The following MOCS1 variants were observed in gnomAD, a reference collection of about 807,000 sequenced individuals.
The protein encoded by MOCS1 is molybdenum cofactor biosynthesis protein 1.
Under a neutral mutation model 57.6 loss-of-function variants are expected in MOCS1, and 39 were observed. The ratio of observed to expected loss-of-function variants is 0.68; its 90% confidence interval spans 0.52 to 0.88. The LOEUF is 0.88. Among genes scored for constraint, MOCS1 ranks in the 40% least tolerant of loss-of-function variants. The pLI is 0.00. For missense variants in MOCS1, 795 were observed against 831.1 expected (o/e 0.96, Z 0.53); for synonymous variants, 334 against 335.7 (o/e 1.00, Z 0.05).
Position 39,914,049 on chromosome 6 carries a change from T to C in MOCS1, c.584-214A>G, listed in dbSNP as rs544433532. ...AGTGTTGGCTAAATTCAAAATGTAA[T>C]AGTAATAACTGACTACAGTGTCTTG... On this transcript the variant is annotated intron_variant, in intron 4 of 10. Coordinates refer to ENST00000340692, the MANE Select transcript of MOCS1 (RefSeq NM_001358530.2). Among the ~76,000 whole-genome samples the C allele has an allele frequency of 4.6e-5, 7 of 152,362 alleles. 1 individual carries two copies. Among genetic ancestry groups the C allele is most frequent in the South Asian group, 2.1e-4 (1 of 4,830 alleles).
At chr6:39,919,955 A>C (rs939031150) in intron 3 of MOCS1, among the ~76,000 whole-genome samples, 1 of 152,186 alleles carries the variant, frequency 6.6e-6, no homozygotes, top group Non-Finnish European at 1.5e-5. Context: ...AAAGAAAAAA[A>C]CGCTGATAAA....
At chr6:39,919,300 C>T (rs546124943) in intron 3 of MOCS1, among the ~76,000 whole-genome samples, 18 of 152,194 alleles carry the variant, frequency 1.2e-4, no homozygotes, top group South Asian at 2.1e-4. Flanking sequence ...GCCTGCCCAA[C>T]GTAGTAAAAC....
In MOCS1 at chr6:39,917,242, A is replaced by G. The variant is rs142309409; in HGVS notation, c.419-1010T>C. ...TACAATCATGGCAGAAGAGGAAGCA[A>G]ACACGTCCTTCTTCACATGGCAGCA... On this transcript the variant is annotated intron_variant, in intron 3 of 10. Transcript: ENST00000340692. 1.9e-3 allele frequency among the ~76,000 whole-genome samples: 282 copies of G among 152,286 alleles called. 1 individual carries two copies. Among genetic ancestry groups the G allele is most frequent in the African/African-American group, 6.5e-3 (269 of 41,556 alleles).
At chr6:39,913,062 C>T (rs968443604) in intron 6 of MOCS1, 58 bp from the exon 7 acceptor site, 20 of 1,467,218 alleles carry the variant, frequency 1.4e-5, no homozygotes, top group South Asian at 9.1e-5. Flanking sequence ...GAAGGGGCCC[C>T]GGGGTCTTTG....
intron 2 of MOCS1, among the ~76,000 whole-genome samples, chr6:39,926,986 C>T (rs1414938114): frequency 6.6e-6 from 1 of 151,570 alleles, no homozygotes. Flanking sequence ...ATGTCCACCA[C>T]CCCACCCCTG....
intron 6 of MOCS1, 92 bp downstream of exon 6, chr6:39,913,225 T>A: frequency 8.9e-7 from 1 of 1,127,116 alleles, no homozygotes; most frequent in East Asian, 2.4e-5. Flanking sequence ...TCACTGCCCC[T>A]GAGGTCAGCC....
intron 2 of MOCS1, chr6:39,927,056 G>C: frequency 4.9e-6 from 2 of 412,174 alleles, no homozygotes; most frequent in South Asian, 5.0e-5. Flanking sequence ...TGAAGAATGA[G>C]AGGTCCAGGA....
intron 4 of MOCS1, among the ~76,000 whole-genome samples, chr6:39,915,487 C>G (rs1191855107): frequency 6.6e-6 from 1 of 152,154 alleles, no homozygotes; most frequent in Non-Finnish European, 1.5e-5. Context: ...CAAAGGGAAG[C>G]CAGGCACTGG....
rs1028633897 is a variant in MOCS1 at position 39,905,538 on chromosome 6, G to A, written c.*819C>T. On this transcript the variant is annotated 3_prime_UTR_variant, in exon 11 of 11. Coordinates refer to ENST00000340692, the MANE Select transcript of MOCS1 (RefSeq NM_001358530.2). ...TTCTTGCATCTGCAAAGTTGGCATC[G>A]TAGCTTTATTTGTGCGCTGTGAGGG... 13 of 471,020 alleles carry A rather than the reference G, an allele frequency of 2.8e-5. No individual in the cohort carries two copies. Among genetic ancestry groups the A allele is most frequent in the African/African-American group, 8.0e-5 (4 of 50,048 alleles). 29.2% of individuals were successfully genotyped at this position (471,020 alleles called of 1,614,324 possible). A position where few individuals can be genotyped will look rare whatever the true frequency, so the allele number is the denominator to read the frequency against.
In MOCS1 at chr6:39,906,042, G is replaced by A. The variant is rs1766891681; in HGVS notation, c.*315C>T. ...TGGGCTGGACTGTCGGAACCTGGTT[G>A]TCTGAAATAGTCCACAAAGAACATG... is the stretch of plus-strand genomic sequence containing the variant. On this transcript the variant is annotated 3_prime_UTR_variant, in exon 11 of 11. Coordinates refer to ENST00000340692, the MANE Select transcript of MOCS1 (RefSeq NM_001358530.2). 1 of 560,030 alleles carries A rather than the reference G, an allele frequency of 1.8e-6. No individual in the cohort carries two copies. Among genetic ancestry groups the A allele is most frequent in the Non-Finnish European group, 3.4e-6 (1 of 296,372 alleles). 34.7% of individuals were successfully genotyped at this position (560,030 alleles called of 1,614,324 possible). A position where few individuals can be genotyped will look rare whatever the true frequency, so the allele number is the denominator to read the frequency against.
In MOCS1 at chr6:39,913,413, T is replaced by C; in HGVS notation, c.661A>G (p.Met221Val). The C allele has an allele frequency of 6.2e-7, 1 of 1,614,156 alleles. No individual in the cohort carries two copies. The highest frequency in any genetic ancestry group is 1.1e-5 in the South Asian group (1 of 91,074). Residue 221 changes from methionine to valine, a missense_variant, in exon 6 of 11, where the codon ATG becomes GTG. This residue lies in a region of MOCS1 where 416 missense variants were observed against 392.4 expected (regional missense o/e 1.06). Coordinates refer to ENST00000340692, the MANE Select transcript of MOCS1 (RefSeq NM_001358530.2). ...YNPVKVNCVV[M>V]RGLNEDELLD... ...AGTTCATCCTCGTTAAGGCCTCGCATCACCACACAGTTCACCTGGCCGGGG... is the reference window on the plus strand; with the variant it reads ...AGTTCATCCTCGTTAAGGCCTCGCACCACCACACAGTTCACCTGGCCGGGG...
intron 3 of MOCS1, among the ~76,000 whole-genome samples, chr6:39,918,632 A>C (rs896764659): frequency 6.6e-6 from 1 of 152,222 alleles, no homozygotes; most frequent in Non-Finnish European, 1.5e-5. Context: ...ATGCAACCCA[A>C]AATGACTCTA....
chr6:39,910,588 T>A (rs1244935200), intron 8 of MOCS1, among the ~76,000 whole-genome samples: 3 of 152,224 alleles, frequency 2.0e-5, no homozygotes, highest in African/African-American at 7.2e-5. Flanking sequence ...CCAAAACTTA[T>A]GAAGCATCTA....
rs1240907567 is a variant in MOCS1, at chr6:39,913,846, G to C, written c.584-11C>G. ...TGACCTTGTGGAAGCCTGGGAGGGA[G>C]AAACAAGGATCCAGGAACTTCTGTC... is the stretch of plus-strand genomic sequence containing the variant. On this transcript the variant is annotated splice_polypyrimidine_tract_variant and intron_variant, in intron 4 of 10. Coordinates refer to ENST00000340692, the MANE Select transcript of MOCS1 (RefSeq NM_001358530.2). 1 of 1,613,970 alleles carries C rather than the reference G, an allele frequency of 6.2e-7. No individual in the cohort carries two copies. Among genetic ancestry groups the C allele is most frequent in the South Asian group, 1.1e-5 (1 of 91,074 alleles).
chr6:39,912,487 C>T, intron 7 of MOCS1, 113 bp from the exon 8 acceptor site: 1 of 788,660 alleles, frequency 1.3e-6, no homozygotes, highest in Non-Finnish European at 2.2e-6. Context: ...CCAGAGGACC[C>T]CACGTGAAGC....
intron 1 of MOCS1, among the ~76,000 whole-genome samples, chr6:39,930,481 T>A (rs1768589213): frequency 6.6e-6 from 1 of 152,172 alleles, no homozygotes; most frequent in African/African-American, 2.4e-5. Flanking sequence ...GAACAAATAG[T>A]CCTGTCCCTA....
At chr6:39,909,645 T>C (rs1246188755) in intron 9 of MOCS1, among the ~76,000 whole-genome samples, 190 bp downstream of exon 9, 5 of 152,058 alleles carry the variant, frequency 3.3e-5, no homozygotes, top group Non-Finnish European at 5.9e-5. Flanking sequence ...CTTTTCCCCA[T>C]GGAAGGAGAA....
At chr6:39,920,305 T>C (rs1767892694) in intron 3 of MOCS1, among the ~76,000 whole-genome samples, 1 of 152,208 alleles carries the variant, frequency 6.6e-6, no homozygotes, top group African/African-American at 2.4e-5. Flanking sequence ...TGGCAGGATC[T>C]CTTACATAGG....
chr6:39,920,567 A>G (rs1236112474), intron 3 of MOCS1, among the ~76,000 whole-genome samples: 1 of 152,262 alleles, frequency 6.6e-6, no homozygotes, highest in African/African-American at 2.4e-5. Context: ...AGAGGAAAAA[A>G]GAACTACAAC....
Sources: gnomAD v4.1 joint callset for allele counts (sites outside exome capture counted in the v4.1 genomes callset) on GRCh38, gnomAD v4.1.1 for gene constraint, gnomAD v4.1.1 regional missense constraint, MANE v1.5 for transcripts, NCBI Gene and HGNC (gene_info 2026-07-23, HGNC 2026-07-21) for gene names.